Variants in FBXO7 observed in about 807,000 individuals in gnomAD.
FBXO7 encodes F-box only protein 7.
In FBXO7, 31 loss-of-function variants were observed where a neutral mutation model predicts 50.2. That is an observed-to-expected ratio of 0.62 (90% CI 0.46 to 0.83). The LOEUF (loss-of-function observed/expected upper bound fraction) is 0.83. Among genes scored for constraint, FBXO7 ranks in the 40% least tolerant of loss-of-function variants. The pLI, the probability that FBXO7 is intolerant of heterozygous loss-of-function variation, is 0.00. For synonymous variants in FBXO7, 256 were observed against 253.1 expected (o/e 1.01, Z -0.11); for missense variants, 667 against 646.6 (o/e 1.03, Z -0.34).
At chr22:32,487,852 T>C in intron 5 of FBXO7, 24 bp downstream of exon 5, 1 of 1,442,222 alleles carries the variant, frequency 6.9e-7, no homozygotes, top group South Asian at 1.2e-5. Context: ...TATTTAACTT[T>C]TGGGGTGAAA....
intron 5 of FBXO7, chr22:32,488,379 GA>G: frequency 6.5e-6 from 1 of 153,096 alleles, no homozygotes; most frequent in Non-Finnish European, 1.5e-5. Flanking sequence ...TAGATACAAA[GA>G]AGACAGGTTT....
Position 32,476,364 on chromosome 22 carries a change from A to T in FBXO7, c.122+1240A>T, listed in dbSNP as rs1045822926. ...GAAGATTGAATAAATCTTCAAACTT[A>T]TTTTTTAAAGGTATTACCAAGTATA... On this transcript the variant is annotated intron_variant, in intron 1 of 8. Transcript: ENST00000266087. Among the ~76,000 whole-genome samples, 9 of 152,252 alleles carry T rather than the reference A, an allele frequency of 5.9e-5. No individual in the cohort carries two copies. In the South Asian group the frequency reaches 1.2e-3, roughly 21 times the overall value.
At chr22:32,496,842 C>T (rs2057578252) in intron 8 of FBXO7, among the ~76,000 whole-genome samples, 1 of 152,124 alleles carries the variant, frequency 6.6e-6, no homozygotes, top group South Asian at 2.1e-4. Flanking sequence ...ATGGTGATTC[C>T]TCTGATGGAT....
chr22:32,496,307 CCT>C (rs1402036922), intron 8 of FBXO7, among the ~76,000 whole-genome samples: 3 of 152,056 alleles, frequency 2.0e-5, no homozygotes, highest in African/African-American at 7.2e-5. Context: ...ACGGTGAAAC[CCT>C]GTCTCTACTA....
intron 4 of FBXO7, 52 bp downstream of exon 4, chr22:32,485,261 C>T: frequency 6.2e-7 from 1 of 1,611,506 alleles, no homozygotes; most frequent in Non-Finnish European, 8.5e-7. Context: ...TTAGACGTTT[C>T]TTTCCAAATG....
rs1180724253 is a variant in FBXO7 at position 32,475,040 on chromosome 22, C to T, written c.38C>T (p.Pro13Leu). The T allele has an allele frequency of 3.2e-6, 5 of 1,543,552 alleles. No homozygotes were observed. Among genetic ancestry groups the T allele is most frequent in the East Asian group, 2.5e-5 (1 of 40,722 alleles). ...LRVRLLKRTW[P>L]LEVPETEPTL... ...GTGCGGCTTCTGAAGCGGACCTGGCCGCTGGAGGTGCCCGAGACGGAGCCG... is the reference window on the plus strand; with the variant it reads ...GTGCGGCTTCTGAAGCGGACCTGGCTGCTGGAGGTGCCCGAGACGGAGCCG... Residue 13 changes from proline (P) to leucine (L), a missense_variant, in exon 1 of 9, where the codon CCG becomes CTG. Physicochemically the swap from Pro to Leu is moderately conservative, Grantham distance 98 (BLOSUM62 -3). Transcript: ENST00000266087.
At chr22:32,488,078 A>G (rs1384810713) in intron 5 of FBXO7, 4 of 406,160 alleles carry the variant, frequency 9.8e-6, no homozygotes, top group African/African-American at 2.0e-5. Context: ...ATGAGATAAC[A>G]CTAGTATGTA....
intron 3 of FBXO7, among the ~76,000 whole-genome samples, chr22:32,484,630 A>G (rs2057486973): frequency 1.3e-5 from 2 of 152,266 alleles, no homozygotes; most frequent in Non-Finnish European, 2.9e-5. Flanking sequence ...TAACACAGGT[A>G]AACATAGATA....
At chr22:32,493,922 A>G (rs2057555228) in intron 7 of FBXO7, among the ~76,000 whole-genome samples, 1 of 152,074 alleles carries the variant, frequency 6.6e-6, no homozygotes, top group Non-Finnish European at 1.5e-5. Flanking sequence ...TTATTTTATA[A>G]ATAGTATTCC....
chr22:32,485,998 G>A (rs926686016), intron 4 of FBXO7, among the ~76,000 whole-genome samples: 7 of 152,232 alleles, frequency 4.6e-5, no homozygotes, highest in East Asian at 3.9e-4. Flanking sequence ...GGAGGGCTGC[G>A]TTTGTTGTTT....
chr22:32,475,344 G>T (rs1297138722), intron 1 of FBXO7: 1 of 1,608,646 alleles, frequency 6.2e-7, no homozygotes, highest in East Asian at 2.3e-5. Context: ...GTCGGCTGGG[G>T]TCCGGCTCCT....
At chr22:32,491,018 T>G in intron 5 of FBXO7, 68 bp from the exon 6 acceptor site, 2 of 1,061,090 alleles carry the variant, frequency 1.9e-6, no homozygotes, top group Non-Finnish European at 2.9e-6. Flanking sequence ...TGATTGGGTT[T>G]GGCAGAAATA....
rs1452592068 is a variant in FBXO7, at chr22:32,483,901, G to C, written c.422G>C (p.Gly141Ala). 1 of 1,613,716 alleles carries C rather than the reference G, an allele frequency of 6.2e-7. No homozygotes were observed. The highest frequency in any genetic ancestry group is 1.7e-5 in the Admixed American group (1 of 59,994). The change falls in exon 3 of 9, where the codon GGG becomes GCG. Residue 141 changes from glycine to alanine, a missense_variant. By Grantham distance (60) the Gly-to-Ala change is moderately conservative (BLOSUM62 0). Coordinates refer to ENST00000266087, the MANE Select transcript of FBXO7 (RefSeq NM_012179.4). ...SGVWNDDSMLGPSQNFEAESI... is the reference protein window; with the variant it reads ...SGVWNDDSMLAPSQNFEAESI... ...TGTTTTGTTTTCCTTTTTCAGTTAGGGCCTAGTCAAAATTTTGAAGCTGAG... is the reference window on the plus strand; with the variant it reads ...TGTTTTGTTTTCCTTTTTCAGTTAGCGCCTAGTCAAAATTTTGAAGCTGAG...
intron 2 of FBXO7, among the ~76,000 whole-genome samples, chr22:32,479,495 C>G (rs1217883675): frequency 6.6e-6 from 1 of 150,486 alleles, no homozygotes; most frequent in East Asian, 2.0e-4. Flanking sequence ...CCTCCCAGTT[C>G]AAGCGATTCT....
At chr22:32,490,809 A>T in intron 5 of FBXO7, 1 of 411,760 alleles carries the variant, frequency 2.4e-6, no homozygotes, top group South Asian at 2.3e-5. Context: ...GTATGTATGA[A>T]TCTCTCACAA....
chr22:32,482,824 A>T (rs1294519546), intron 2 of FBXO7, among the ~76,000 whole-genome samples: 1 of 152,342 alleles, frequency 6.6e-6, no homozygotes, highest in South Asian at 2.1e-4. Flanking sequence ...AATGGGTGAC[A>T]TGTAGTCTGG....
intron 1 of FBXO7, chr22:32,475,448 G>T (rs2057421644): frequency 1.2e-6 from 2 of 1,604,720 alleles, no homozygotes; most frequent in African/African-American, 2.7e-5. Context: ...GGAGAGGAGG[G>T]AACGCACAAT....
At chr22:32,493,302 T>G in intron 7 of FBXO7, 21 bp downstream of exon 7, 2 of 1,608,490 alleles carry the variant, frequency 1.2e-6, no homozygotes, top group Non-Finnish European at 1.7e-6. Flanking sequence ...TAATGACATA[T>G]TCACAAGAAA....
chr22:32,481,530 G>A (rs1048702472), intron 2 of FBXO7, among the ~76,000 whole-genome samples: 3 of 152,134 alleles, frequency 2.0e-5, no homozygotes, highest in Non-Finnish European at 4.4e-5. Flanking sequence ...TGTATTCCAA[G>A]ACTTGTAAAG....
Sources: gnomAD v4.1 joint callset for allele counts (sites outside exome capture counted in the v4.1 genomes callset) on GRCh38, gnomAD v4.1.1 for gene constraint, MANE v1.5 for transcripts, NCBI Gene and HGNC (gene_info 2026-07-23, HGNC 2026-07-21) for gene names.